Variants in LGR6 observed in about 807,000 individuals in gnomAD.
LGR6 encodes the protein leucine rich repeat containing G protein-coupled receptor 6.
A neutral mutation model predicts 69.4 loss-of-function variants in LGR6; 45 were observed. The observed-to-expected ratio is 0.65, with a 90% CI of 0.51 to 0.83. LGR6 has a LOEUF of 0.83. LGR6 is among the 40% of genes least tolerant of loss of function. The pLI, the probability that LGR6 is intolerant of heterozygous loss-of-function variation, is 0.00. For synonymous variants in LGR6, 538 were observed against 555.0 expected (o/e 0.97, Z 0.43); for missense variants, 1,108 against 1,246.7 (o/e 0.89, Z 1.68).
At chr1:202,316,990 C>T (rs1654193633) in intron 17 of LGR6, among the ~76,000 whole-genome samples, 1 of 152,140 alleles carries the variant, frequency 6.6e-6, no homozygotes, top group Non-Finnish European at 1.5e-5. Flanking sequence ...GGCAATTTAC[C>T]TCCGAAATAC....
intron 16 of LGR6, among the ~76,000 whole-genome samples, chr1:202,313,098 G>C (rs1276233597): frequency 6.6e-6 from 1 of 152,010 alleles, no homozygotes; most frequent in Non-Finnish European, 1.5e-5. Context: ...GTGGTGGCGG[G>C]CGCCTGTAGT....
In LGR6 at chr1:202,276,408, C is replaced by A; in HGVS notation, c.531C>A (p.Ile177=). 6.2e-7 allele frequency: 1 copy of A among 1,614,200 alleles called. No individual in the cohort carries two copies. Among genetic ancestry groups the A allele is most frequent in the Non-Finnish European group, 8.5e-7 (1 of 1,180,006 alleles). Residue 177 remains isoleucine (I), a synonymous_variant, in exon 5 of 18, where the codon ATC becomes ATA. Coordinates refer to ENST00000367278, the MANE Select transcript of LGR6 (RefSeq NM_001017403.2). ...LWLDDNALTE[I]PVRALNNLPA... is the part of the protein sequence containing the mutation. Reference sequence around the variant, plus strand: ...TGGACGACAATGCACTCACGGAGATCCCTGTCAGGGCCCTCAACAACCTCC... The same window carrying A: ...TGGACGACAATGCACTCACGGAGATACCTGTCAGGGCCCTCAACAACCTCC...
At chr1:202,313,708 T>C (rs1169110244) in intron 16 of LGR6, among the ~76,000 whole-genome samples, 1 of 152,202 alleles carries the variant, frequency 6.6e-6, no homozygotes, top group Non-Finnish European at 1.5e-5. Flanking sequence ...AAAATTTTTT[T>C]CTAATTGATA....
At chr1:202,228,421 A>G (rs770414213) in intron 3 of LGR6, among the ~76,000 whole-genome samples, 2 of 151,446 alleles carry the variant, frequency 1.3e-5, no homozygotes, top group African/African-American at 2.4e-5. Context: ...TCCCCTTGCA[A>G]CCCAACCTTT....
At position 202,318,182 on chromosome 1, in the gene LGR6, G is replaced by GA; in HGVS notation, c.1879_1880insA (p.Gly627GlufsTer5). 6 of 1,613,596 alleles carry GA rather than the reference G, an allele frequency of 3.7e-6. No individual in the cohort carries two copies. Among genetic ancestry groups the GA allele is most frequent in the Non-Finnish European group, 5.1e-6 (6 of 1,180,002 alleles). On this transcript the variant is annotated frameshift_variant, in exon 18 of 18. Coordinates refer to ENST00000367278, the MANE Select transcript of LGR6 (RefSeq NM_001017403.2). LOFTEE classifies it low-confidence loss of function (END_TRUNC). Reference sequence around the variant, plus strand: ...AGCCTCAGTCGATGCCCTGACCTTTGGTCAGTTCTCTGAGTACGGAGCCCG... The same window carrying GA: ...AGCCTCAGTCGATGCCCTGACCTTTGAGTCAGTTCTCTGAGTACGGAGCCCG...
At position 202,319,163 on chromosome 1, in the gene LGR6, G is replaced by A; in HGVS notation, c.2860G>A (p.Gly954Ser). The A allele has an allele frequency of 6.2e-7, 1 of 1,613,102 alleles. No individual in the cohort carries two copies. The highest frequency in any genetic ancestry group is 1.1e-5 in the South Asian group (1 of 90,938). Residue 954 changes from glycine (G) to serine (S), a missense_variant, in exon 18 of 18, where the codon GGC (glycine) becomes AGC (serine). Coordinates refer to ENST00000367278, the MANE Select transcript of LGR6 (RefSeq NM_001017403.2). ...AGCAGGTGGAGGCTTGTCAGGGGGT[G>A]GCGGCTTTCAGCCCTCTGGCTTGGC... ...TPAGGGLSGG[G>S]GFQPSGLAFA...
At chr1:202,203,429 T>C (rs1380697165) in intron 1 of LGR6, among the ~76,000 whole-genome samples, 3 of 152,220 alleles carry the variant, frequency 2.0e-5, no homozygotes, top group Non-Finnish European at 4.4e-5. Flanking sequence ...GCACACTGTG[T>C]GGATTCTGGC....
chr1:202,280,116 G>T (rs1665890508), intron 5 of LGR6, among the ~76,000 whole-genome samples: 1 of 152,024 alleles, frequency 6.6e-6, no homozygotes, highest in African/African-American at 2.4e-5. Context: ...ATGTAATGTT[G>T]TTTTTTTCCG....
At chr1:202,234,322 A>G (rs977277916) in intron 3 of LGR6, among the ~76,000 whole-genome samples, 5 of 152,164 alleles carry the variant, frequency 3.3e-5, no homozygotes, top group East Asian at 1.9e-4. Flanking sequence ...CCTTGCCTCT[A>G]TGAAGGGCTC....
chr1:202,237,577 T>C (rs989446660), intron 4 of LGR6, among the ~76,000 whole-genome samples: 1 of 152,200 alleles, frequency 6.6e-6, no homozygotes, highest in Non-Finnish European at 1.5e-5. Flanking sequence ...CTAAAGGTCT[T>C]GCTTTCGGAC....
At chr1:202,249,582 C>T (rs962218085) in intron 4 of LGR6, among the ~76,000 whole-genome samples, 6 of 152,224 alleles carry the variant, frequency 3.9e-5, no homozygotes, top group African/African-American at 1.4e-4. Flanking sequence ...GAACATTTCT[C>T]AAAGTAAACC....
intron 4 of LGR6, among the ~76,000 whole-genome samples, chr1:202,259,305 T>G (rs1664035682): frequency 6.6e-6 from 1 of 152,220 alleles, no homozygotes; most frequent in Non-Finnish European, 1.5e-5. Flanking sequence ...TCCAGTTTTT[T>G]CTATCCCTGG....
At chr1:202,205,184 A>G (rs1182801909) in intron 1 of LGR6, among the ~76,000 whole-genome samples, 78 of 40,386 alleles carry the variant, frequency 1.9e-3, no homozygotes, top group Admixed American at 2.8e-3. Context: ...CTTCAAACAC[A>G]CACCCTCGAA....
chr1:202,282,665 G>C (rs1398237641), intron 6 of LGR6, among the ~76,000 whole-genome samples: 1 of 152,182 alleles, frequency 6.6e-6, no homozygotes, highest in Non-Finnish European at 1.5e-5. Context: ...AAATCAGGTG[G>C]GGAGGGGGTA....
chr1:202,254,342 AG>A (rs1326988760), intron 4 of LGR6, among the ~76,000 whole-genome samples: 1 of 152,216 alleles, frequency 6.6e-6, no homozygotes, highest in South Asian at 2.1e-4. Context: ...TGTGCAGCTC[AG>A]GGAAACTCTG....
In LGR6 at chr1:202,313,803, G is replaced by A. The variant is rs115400444; in HGVS notation, c.1568-999G>A. Among the ~76,000 whole-genome samples the A allele has an allele frequency of 3.5e-3, 537 of 152,308 alleles. 3 individuals are homozygous for A. The highest frequency in any genetic ancestry group is 0.012 in the African/African-American group (502 of 41,554). ...ATAAAGATCAAATCAGAGTAATCGGGATATCCTTTGCCTTAAAAATTTGTC... is the reference window on the plus strand; with the variant it reads ...ATAAAGATCAAATCAGAGTAATCGGAATATCCTTTGCCTTAAAAATTTGTC... On this transcript the variant is annotated intron_variant, in intron 16 of 17. Coordinates refer to ENST00000367278, the MANE Select transcript of LGR6 (RefSeq NM_001017403.2).
intron 4 of LGR6, among the ~76,000 whole-genome samples, chr1:202,242,481 T>A (rs558476723): frequency 6.6e-6 from 1 of 152,208 alleles, no homozygotes; most frequent in African/African-American, 2.4e-5. Flanking sequence ...GTGGGATGAT[T>A]GGCAGACAGA....
In LGR6 at chr1:202,301,917, A is replaced by G. The variant is rs182189802; in HGVS notation, c.929+682A>G. ...ACCTGTAATCCCAGCTACTCAGGAG[A>G]CTGAGGCAGAGGACTCGCTTGAACC... On this transcript the variant is annotated intron_variant, in intron 9 of 17. Coordinates refer to ENST00000367278, the MANE Select transcript of LGR6 (RefSeq NM_001017403.2). Among the ~76,000 whole-genome samples the G allele has an allele frequency of 1.2e-4, 18 of 152,134 alleles. No individual in the cohort carries two copies. In the East Asian group the frequency reaches 2.7e-3, roughly 23 times the overall value.
chr1:202,281,032 A>G, intron 6 of LGR6, 180 bp downstream of exon 6: 2 of 588,698 alleles, frequency 3.4e-6, no homozygotes, highest in South Asian at 4.1e-5. Context: ...CTGAGAATGA[A>G]TTTCTTCCTC....
Sources: gnomAD v4.1 joint callset for allele counts (sites outside exome capture counted in the v4.1 genomes callset) on GRCh38, gnomAD v4.1.1 for gene constraint, MANE v1.5 for transcripts, NCBI Gene and HGNC (gene_info 2026-07-23, HGNC 2026-07-21) for gene names.